The following KCNH7 variants were observed in gnomAD, a reference collection of about 807,000 sequenced individuals.
KCNH7 encodes the protein potassium voltage-gated channel subfamily H member 7.
A neutral mutation model predicts 120.8 loss-of-function variants in KCNH7; 49 were observed. The observed-to-expected ratio is 0.41, with a 90% CI of 0.32 to 0.51. The LOEUF (loss-of-function observed/expected upper bound fraction) is 0.51. Among genes scored for constraint, KCNH7 ranks in the 20% least tolerant of loss-of-function variants. The probability of loss-of-function intolerance (pLI) is 0.38; values close to 1 mark genes in which losing one functional copy is unlikely to be tolerated. For synonymous variants in KCNH7, 547 were observed against 516.1 expected (o/e 1.06, Z -0.81); for missense variants, 1,097 against 1,446.6 (o/e 0.76, Z 3.92).
chr2:162,589,241 C>T (rs150321980), intron 2 of KCNH7, among the ~76,000 whole-genome samples: 1 of 152,168 alleles, frequency 6.6e-6, no homozygotes, highest in East Asian at 1.9e-4. Flanking sequence ...ATCGGGAGAG[C>T]GCTGAGAAAG....
At chr2:162,620,771 G>A (rs1683325164) in intron 2 of KCNH7, among the ~76,000 whole-genome samples, 1 of 151,972 alleles carries the variant, frequency 6.6e-6, no homozygotes, top group Admixed American at 6.6e-5. Context: ...AATTTTTCTT[G>A]CATCTTTTTT....
intron 2 of KCNH7, among the ~76,000 whole-genome samples, chr2:162,811,113 T>C (rs1344007781): frequency 6.6e-6 from 1 of 152,172 alleles, no homozygotes; most frequent in Non-Finnish European, 1.5e-5. Flanking sequence ...GATGCTGGTC[T>C]TATGTCCCTT....
At chr2:162,607,608 A>G (rs1682825946) in intron 2 of KCNH7, among the ~76,000 whole-genome samples, 3 of 152,166 alleles carry the variant, frequency 2.0e-5, no homozygotes, top group African/African-American at 7.2e-5. Flanking sequence ...TTTGAAAAAA[A>G]TTGTGAATTA....
chr2:162,531,319 T>C (rs1485463706), intron 3 of KCNH7, among the ~76,000 whole-genome samples: 2 of 152,024 alleles, frequency 1.3e-5, no homozygotes, highest in African/African-American at 2.4e-5. Flanking sequence ...GGACACATTA[T>C]CTTTTTTAAA....
intron 2 of KCNH7, among the ~76,000 whole-genome samples, chr2:162,664,517 T>C (rs1471209758): frequency 1.3e-5 from 2 of 152,164 alleles, no homozygotes; most frequent in Non-Finnish European, 2.9e-5. Context: ...AATTAGTTGA[T>C]AGTGAAGTTG....
chr2:162,427,495 A>C (rs761839264), intron 8 of KCNH7, among the ~76,000 whole-genome samples: 1 of 151,842 alleles, frequency 6.6e-6, no homozygotes, highest in Admixed American at 6.6e-5. Flanking sequence ...CATCATTCAT[A>C]TATATTTTGT....
chr2:162,662,492 G>A (rs1402514783), intron 2 of KCNH7, among the ~76,000 whole-genome samples: 1 of 152,140 alleles, frequency 6.6e-6, no homozygotes, highest in East Asian at 1.9e-4. Context: ...CAATTTATAT[G>A]ATCTATGTAA....
intron 2 of KCNH7, among the ~76,000 whole-genome samples, chr2:162,782,200 C>T (rs918744825): frequency 1.3e-5 from 2 of 152,162 alleles, no homozygotes; most frequent in Non-Finnish European, 2.9e-5. Flanking sequence ...ATTCTCTCTG[C>T]TTACTGAACT....
At chr2:162,418,465 T>C (rs1187199823) in intron 9 of KCNH7, among the ~76,000 whole-genome samples, 1 of 152,148 alleles carries the variant, frequency 6.6e-6, no homozygotes, top group Non-Finnish European at 1.5e-5. Context: ...TTTGCAAATT[T>C]TGCTTTTACA....
At chr2:162,474,320 C>T (rs1689660087) in intron 6 of KCNH7, among the ~76,000 whole-genome samples, 1 of 152,140 alleles carries the variant, frequency 6.6e-6, no homozygotes, top group South Asian at 2.1e-4. Context: ...GAAGATTAGA[C>T]ATTCTCTTGA....
In KCNH7 at chr2:162,406,829, T is replaced by G. The variant is rs1476624977; in HGVS notation, c.2155-6388A>C. ...AAGCTAACGTCCCAACATAATGGAT[T>G]CTGTAATTTCTAGGTCGTTTAAGAT... On this transcript the variant is annotated intron_variant, in intron 9 of 15. Transcript: ENST00000332142. Among the ~76,000 whole-genome samples, 4 of 152,144 alleles carry G rather than the reference T, an allele frequency of 2.6e-5. No homozygotes were observed. In the East Asian group the frequency reaches 7.7e-4, roughly 29 times the overall value.
At chr2:162,626,425 A>C (rs1021778494) in intron 2 of KCNH7, among the ~76,000 whole-genome samples, 2 of 152,194 alleles carry the variant, frequency 1.3e-5, no homozygotes, top group Non-Finnish European at 2.9e-5. Context: ...TTGGTAGAAA[A>C]GAGGAAGTTT....
chr2:162,488,995 AT>A (rs914042587), intron 6 of KCNH7, among the ~76,000 whole-genome samples: 1 of 152,196 alleles, frequency 6.6e-6, no homozygotes, highest in Admixed American at 6.5e-5. Flanking sequence ...CAGAAGTGTG[AT>A]TTTTCACACT....
intron 3 of KCNH7, among the ~76,000 whole-genome samples, chr2:162,530,106 G>C (rs553164663): frequency 6.6e-6 from 1 of 151,760 alleles, no homozygotes; most frequent in Admixed American, 6.6e-5. Flanking sequence ...TAGAGTTCCT[G>C]GCTCTGAAAC....
intron 9 of KCNH7, among the ~76,000 whole-genome samples, chr2:162,405,159 T>C (rs1020184620): frequency 3.3e-5 from 5 of 152,006 alleles, no homozygotes; most frequent in African/African-American, 1.2e-4. Context: ...TATTTTGATA[T>C]AAGGTCACTG....
Position 162,446,300 on chromosome 2 carries a change from A to G in KCNH7, c.1272T>C (p.Phe424=), listed in dbSNP as rs745662730. The change falls in exon 7 of 16, where the codon TTT becomes TTC. Residue 424 remains phenylalanine, a synonymous_variant. Transcript: ENST00000332142. ...GGAGGAAGGCTGCAGAGTAGGGAGT[A>G]AATATAGCAGTGTATATGACCAACA... ...ILLLVIYTAI[F]TPYSAAFLLN... The G allele has an allele frequency of 1.9e-6, 3 of 1,613,956 alleles. No individual in the cohort carries two copies. Among genetic ancestry groups the G allele is most frequent in the Non-Finnish European group, 2.5e-6 (3 of 1,179,896 alleles).
intron 9 of KCNH7, among the ~76,000 whole-genome samples, chr2:162,402,082 C>T (rs1035805818): frequency 6.6e-6 from 1 of 151,540 alleles, no homozygotes; most frequent in African/African-American, 2.4e-5. Flanking sequence ...TCTGTAATCT[C>T]TCCCCTTAAC....
intron 5 of KCNH7, among the ~76,000 whole-genome samples, chr2:162,511,834 C>A (rs1382923023): frequency 6.6e-6 from 1 of 151,728 alleles, no homozygotes; most frequent in Non-Finnish European, 1.5e-5. Flanking sequence ...CGTGTTCATG[C>A]AACACACATG....
chr2:162,429,018 A>G (rs993307431), intron 8 of KCNH7, among the ~76,000 whole-genome samples: 1 of 151,972 alleles, frequency 6.6e-6, no homozygotes, highest in East Asian at 1.9e-4. Context: ...TTGGGTTTAA[A>G]TATACTATCT....
Sources: gnomAD v4.1 joint callset for allele counts (sites outside exome capture counted in the v4.1 genomes callset) on GRCh38, gnomAD v4.1.1 for gene constraint, MANE v1.5 for transcripts, NCBI Gene and HGNC (gene_info 2026-07-23, HGNC 2026-07-21) for gene names.